SULT4A1: variants seen among roughly 807,000 people sequenced by gnomAD.
The protein encoded by SULT4A1 is sulfotransferase family 4A member 1.
A neutral mutation model predicts 35.2 loss-of-function variants in SULT4A1; 11 were observed. The observed-to-expected ratio is 0.31, with a 90% confidence interval of 0.20 to 0.52. The LOEUF (loss-of-function observed/expected upper bound fraction) is 0.52. SULT4A1 is among the 20% of genes least tolerant of loss of function. The pLI is 0.97. For synonymous variants in SULT4A1, 152 were observed against 151.8 expected (o/e 1.00, Z -0.01); for missense variants, 271 against 383.7 (o/e 0.71, Z 2.45).
intron 1 of SULT4A1, among the ~76,000 whole-genome samples, chr22:43,851,089 T>C (rs560423819): frequency 6.6e-6 from 1 of 152,320 alleles, no homozygotes; most frequent in South Asian, 2.1e-4. Context: ...TTTGCTCTTG[T>C]TTGTCACCAT....
Position 43,829,143 on chromosome 22 carries a change from T to G in SULT4A1, c.659A>C (p.Lys220Thr), listed in dbSNP as rs1371043517. 1 of 1,562,976 alleles carries G rather than the reference T, an allele frequency of 6.4e-7. No homozygotes were observed. Among genetic ancestry groups the G allele is most frequent in the Non-Finnish European group, 8.7e-7 (1 of 1,153,728 alleles). Residue 220 changes from lysine (K) to threonine (T), a missense_variant, in exon 6 of 7, where the codon AAG becomes ACG. Lys to Thr is a moderately conservative substitution (Grantham distance 78). Around this residue, in one of 3 missense-constraint regions of SULT4A1, gnomAD observed 75 missense variants for 67.7 expected, o/e 1.11. Transcript: ENST00000330884. ...CTCCGTCAGGGCTTCCAGCTGGGCC[T>G]TGTCACAGGACACCCCCAGGAATCT... ...LARFLGVSCD[K>T]AQLEALTEHC...
At chr22:43,827,411 A>G in intron 6 of SULT4A1, 1 of 1,188,426 alleles carries the variant, frequency 8.4e-7, no homozygotes, top group Non-Finnish European at 1.1e-6. Context: ...CTTTAATGAT[A>G]CCTAAGGGGC....
intron 6 of SULT4A1, chr22:43,827,400 C>T: frequency 8.5e-7 from 1 of 1,171,746 alleles, no homozygotes; most frequent in Non-Finnish European, 1.1e-6. Flanking sequence ...TTCTTGTAAC[C>T]CTTTAATGAT....
intron 6 of SULT4A1, among the ~76,000 whole-genome samples, chr22:43,828,191 GCCCT>G (rs1569502541): frequency 2.6e-5 from 4 of 152,186 alleles, no homozygotes. Context: ...ACGTTTCTGG[GCCCT>G]CCCTGCAAAC....
chr22:43,859,346 C>T (rs555908864), intron 1 of SULT4A1, among the ~76,000 whole-genome samples: 25 of 152,378 alleles, frequency 1.6e-4, no homozygotes, highest in African/African-American at 5.8e-4. Context: ...AAGCTTCCGT[C>T]TGCATCAGTG....
At chr22:43,839,568 A>G (rs962472289) in intron 3 of SULT4A1, among the ~76,000 whole-genome samples, 1 of 152,316 alleles carries the variant, frequency 6.6e-6, no homozygotes, top group South Asian at 2.1e-4. Context: ...AGCCTGGGCG[A>G]CAGACTAAGA....
chr22:43,829,018 G>C, intron 6 of SULT4A1, 42 bp downstream of exon 6: 1 of 1,487,654 alleles, frequency 6.7e-7, no homozygotes, highest in Non-Finnish European at 9.0e-7. Context: ...AGCCTGGCTG[G>C]GGTGGGGAGT....
At chr22:43,849,147 G>A (rs2063495014) in intron 1 of SULT4A1, among the ~76,000 whole-genome samples, 1 of 152,206 alleles carries the variant, frequency 6.6e-6, no homozygotes, top group African/African-American at 2.4e-5. Flanking sequence ...ACCGGGCACA[G>A]AGCCCATCAA....
chr22:43,840,956 C>A (rs1042083186), intron 2 of SULT4A1, among the ~76,000 whole-genome samples: 5 of 152,192 alleles, frequency 3.3e-5, no homozygotes, highest in African/African-American at 1.2e-4. Flanking sequence ...CTGGTCCCCC[C>A]CTGATCTGCT....
chr22:43,832,040 C>T (rs1338299388), intron 5 of SULT4A1, among the ~76,000 whole-genome samples: 8 of 152,180 alleles, frequency 5.3e-5, no homozygotes, highest in Admixed American at 5.2e-4. Context: ...TTGGGGTGGT[C>T]AGGACTTTGG....
At chr22:43,837,745 G>A (rs985603358) in intron 4 of SULT4A1, among the ~76,000 whole-genome samples, 1 of 152,164 alleles carries the variant, frequency 6.6e-6, no homozygotes, top group Non-Finnish European at 1.5e-5. Context: ...CCGCCAAGAG[G>A]TCCCCTTCAA....
intron 1 of SULT4A1, among the ~76,000 whole-genome samples, chr22:43,858,069 GAAAGAAAGAAAAAA>G (rs1272905628): frequency 3.1e-5 from 4 of 127,848 alleles, no homozygotes; most frequent in Admixed American, 1.6e-4. Context: ...AAAAAAAAAG[GAAAGAAAGAAAAAA>G]AAAGAAAGAA....
At position 43,840,001 on chromosome 22, in the gene SULT4A1, T is replaced by C. The variant is rs1044383208; in HGVS notation, c.325A>G (p.Lys109Glu). 6.2e-7 allele frequency: 1 copy of C among 1,609,058 alleles called. No individual in the cohort carries two copies. The highest frequency in any genetic ancestry group is 8.5e-7 in the Non-Finnish European group (1 of 1,178,466). Residue 109 changes from lysine (K) to glutamate (E), a missense_variant, in exon 3 of 7, where the codon AAG (lysine) becomes GAG (glutamate). Physicochemically the swap from Lys to Glu is moderately conservative, Grantham distance 56. Around this residue, in one of 3 missense-constraint regions of SULT4A1, gnomAD observed 164 missense variants for 254.1 expected, o/e 0.65. Transcript: ENST00000330884. Reference protein sequence around the residue: ...IKELTSPRLIKSHLPYRFLPS... With the variant: ...IKELTSPRLIESHLPYRFLPS... ...AGAAAGCGGTAGGGCAGGTGGCTCTTGATGAGGCGGGGAGAGGTCAGTTCC... is the reference window on the plus strand; with the variant it reads ...AGAAAGCGGTAGGGCAGGTGGCTCTCGATGAGGCGGGGAGAGGTCAGTTCC...
intron 1 of SULT4A1, among the ~76,000 whole-genome samples, chr22:43,845,292 CG>C (rs2063466829): frequency 6.6e-6 from 1 of 152,170 alleles, no homozygotes; most frequent in African/African-American, 2.4e-5. Flanking sequence ...CATCAGCCTC[CG>C]GGGCACATGC....
chr22:43,826,321 C>T, intron 6 of SULT4A1: 16 of 985,424 alleles, frequency 1.6e-5, no homozygotes, highest in Non-Finnish European at 1.8e-5. Flanking sequence ...CAGAACATGA[C>T]CTGAACCAGC....
intron 1 of SULT4A1, among the ~76,000 whole-genome samples, chr22:43,851,880 G>C (rs895151613): frequency 2.6e-5 from 4 of 152,094 alleles, no homozygotes; most frequent in African/African-American, 9.7e-5. Flanking sequence ...GCTGGAATTC[G>C]TTCCCACCTG....
At chr22:43,826,292 G>A (rs1603403388) in intron 6 of SULT4A1, 179 bp from the exon 7 acceptor site, 1 of 985,432 alleles carries the variant, frequency 1.0e-6, no homozygotes, top group Non-Finnish European at 1.2e-6. Context: ...CCTAACATTT[G>A]TGAAACTACT....
chr22:43,840,598 G>C (rs2063419056), intron 2 of SULT4A1, among the ~76,000 whole-genome samples: 1 of 152,300 alleles, frequency 6.6e-6, no homozygotes, highest in South Asian at 2.1e-4. Context: ...GAGGCAGCAG[G>C]AGGCACCAGC....
intron 1 of SULT4A1, among the ~76,000 whole-genome samples, chr22:43,852,102 G>GC (rs1268994213): frequency 2.0e-5 from 3 of 152,166 alleles, no homozygotes; most frequent in Non-Finnish European, 4.4e-5. Flanking sequence ...CTGAAACACA[G>GC]CCCCCTACAG....
Sources: gnomAD v4.1 joint callset for allele counts (sites outside exome capture counted in the v4.1 genomes callset) on GRCh38, gnomAD v4.1.1 for gene constraint, gnomAD v4.1.1 regional missense constraint, MANE v1.5 for transcripts, NCBI Gene and HGNC (gene_info 2026-07-23, HGNC 2026-07-21) for gene names.